Variants in DKC1 observed in about 807,000 individuals in gnomAD.
The protein encoded by DKC1 is H/ACA ribonucleoprotein complex subunit DKC1.
Under a neutral mutation model 46.7 loss-of-function variants are expected in DKC1, and 4 were observed. The ratio of observed to expected loss-of-function variants is 0.09; its 90% CI spans 0.04 to 0.20. The LOEUF is 0.20. Ranked by LOEUF, DKC1 falls within the 10% of genes least tolerant of loss-of-function variation. The probability of loss-of-function intolerance (pLI) is 1.00; values close to 1 mark genes in which losing one functional copy is unlikely to be tolerated. For missense variants in DKC1, 171 were observed against 404.2 expected (o/e 0.42, Z 4.95); for synonymous variants, 141 against 142.4 (o/e 0.99, Z 0.07).
At chrX:154,767,488 A>G (rs1466574486) in intron 7 of DKC1, 106 bp downstream of exon 7, 1 of 950,746 alleles carries the variant, frequency 1.1e-6, no homozygotes, top group South Asian at 2.0e-5. Flanking sequence ...AACCTGCCCT[A>G]CAGCTGGGAT....
Position 154,762,874 on chromosome X carries a change from TAGC to T in DKC1, c.-88_-86del. 9.1e-7 allele frequency: 1 copy of T among 1,095,335 alleles called. No homozygotes were observed. The highest frequency in any genetic ancestry group is 1.2e-6 in the Non-Finnish European group (1 of 807,815). The allele number at this position is 1,095,335 out of a possible 1,213,427, so 90.3% of individuals were successfully genotyped here. ...GGGCAGTGCGCGGGTGGGTGGGTCC[TAGC>T]AGCGCGGCCTGACGGGACCAAGGCG... is the stretch of plus-strand genomic sequence containing the variant. On this transcript the variant is annotated 5_prime_UTR_variant, in exon 1 of 15. Coordinates refer to ENST00000369550, the MANE Select transcript of DKC1 (RefSeq NM_001363.5).
At chrX:154,770,247 T>C (rs1464466734) in intron 9 of DKC1, among the ~76,000 whole-genome samples, 10 of 109,840 alleles carry the variant, frequency 9.1e-5, no homozygotes, top group African/African-American at 3.3e-4. Flanking sequence ...GCCAGGCAAA[T>C]TGCTTGAGCT....
chrX:154,773,575 C>G (rs2071852752), intron 11 of DKC1, among the ~76,000 whole-genome samples: 1 of 109,276 alleles, frequency 9.2e-6, no homozygotes, highest in African/African-American at 3.4e-5. Context: ...CCATTTAACC[C>G]TGAGTGGACA....
At chrX:154,771,197 T>TG (rs2071821588) in intron 10 of DKC1, among the ~76,000 whole-genome samples, 1 of 99,888 alleles carries the variant, frequency 1.0e-5, no homozygotes, top group African/African-American at 3.7e-5. Context: ...GTTTTTTTTT[T>TG]TTTTTTTTTT....
chrX:154,774,236 A>G (rs1281748832), intron 11 of DKC1, among the ~76,000 whole-genome samples: 1 of 111,953 alleles, frequency 8.9e-6, no homozygotes, highest in Non-Finnish European at 1.9e-5. Context: ...ACAGTGGTCA[A>G]GGAGTCTGGT....
chrX:154,776,067 A>G, intron 13 of DKC1, 120 bp from the exon 14 acceptor site: 1 of 942,087 alleles, frequency 1.1e-6, no homozygotes, highest in South Asian at 2.0e-5. Flanking sequence ...TGTAGTCAGA[A>G]AACGTCCTGT....
intron 9 of DKC1, among the ~76,000 whole-genome samples, chrX:154,770,389 G>C (rs1030458549): frequency 7.6e-5 from 8 of 105,402 alleles, no homozygotes; most frequent in African/African-American, 2.8e-4. Flanking sequence ...TTGAACTTGG[G>C]AGATGGAGGT....
intron 11 of DKC1, 129 bp from the exon 12 acceptor site, chrX:154,774,473 G>T: frequency 1.8e-6 from 1 of 560,708 alleles, no homozygotes; most frequent in Non-Finnish European, 3.1e-6. Context: ...AATTCTGAAT[G>T]CTCTGGAGAG....
At chrX:154,773,082 C>A in intron 10 of DKC1, 49 bp from the exon 11 acceptor site, 1 of 900,718 alleles carries the variant, frequency 1.1e-6, no homozygotes, top group Non-Finnish European at 1.6e-6. Flanking sequence ...CATCAATTAT[C>A]AATTCTTTCA....
Position 154,769,217 on chromosome X carries a change from T to C in DKC1, c.822T>C (p.Asp274=), listed in dbSNP as rs1002559487. ...TGCTTGATGCTCAGTGGCTGTATGA[T>C]AACCACAAGGATGAGAGTTACCTGC... ...HDVLDAQWLY[D]NHKDESYLRR... is the part of the protein sequence containing the mutation. Residue 274 remains aspartate (D), a synonymous_variant, in exon 9 of 15, where the codon GAT becomes GAC. Coordinates refer to ENST00000369550, the MANE Select transcript of DKC1 (RefSeq NM_001363.5). 2 of 1,210,948 alleles carry C rather than the reference T, an allele frequency of 1.7e-6. No individual in the cohort carries two copies. Among genetic ancestry groups the C allele is most frequent in the African/African-American group, 3.5e-5 (2 of 57,717 alleles).
chrX:154,764,369 C>T lies in DKC1; in HGVS notation c.17-530C>T, dbSNP rs781826580. Among the ~76,000 whole-genome samples the T allele has an allele frequency of 1.5e-3, 163 of 109,068 alleles. No individual in the cohort carries two copies. The Middle Eastern group carries it at 0.023, about 16-fold the overall frequency. 94.7% of individuals were successfully genotyped at this position (109,068 alleles called of 115,157 possible). A position where few individuals can be genotyped will look rare whatever the true frequency, so the allele number is the denominator to read the frequency against. On this transcript the variant is annotated intron_variant, in intron 1 of 14. Transcript: ENST00000369550. ...CTGAATGTGAAGGCCTCAGACATTA[C>T]ACTACTGGAGACTTTATAATCTGTA...
chrX:154,773,120 A>G lies in DKC1; in HGVS notation c.1037-11A>G. 9.1e-7 allele frequency: 1 copy of G among 1,099,990 alleles called. No homozygotes were observed. The allele number at this position is 1,099,990 out of a possible 1,213,427, so 90.7% of individuals were successfully genotyped here. A position where few individuals can be genotyped will look rare whatever the true frequency, so the allele number is the denominator to read the frequency against. ...CTTCAAATAATTCTTTTCTTTATTC[A>G]ATGCCTGTAGCTATTGCATTAATGA... On this transcript the variant is annotated splice_polypyrimidine_tract_variant and intron_variant, in intron 10 of 14. Coordinates refer to ENST00000369550, the MANE Select transcript of DKC1 (RefSeq NM_001363.5).
In DKC1 at chrX:154,769,194, C is replaced by T; in HGVS notation, c.799C>T (p.Leu267Phe). ...CCACATGGTGACAATGCATGATGTG[C>T]TTGATGCTCAGTGGCTGTATGATAA... ...KDHMVTMHDV[L>F]DAQWLYDNHK... The change falls in exon 9 of 15, where the codon CTT becomes TTT. Residue 267 changes from leucine (L) to phenylalanine (F), a missense_variant. By Grantham distance (22) the Leu-to-Phe change is conservative (BLOSUM62 0). Around this residue, in one of 4 missense-constraint regions of DKC1, gnomAD observed 60 missense variants for 206.5 expected, o/e 0.29. Coordinates refer to ENST00000369550, the MANE Select transcript of DKC1 (RefSeq NM_001363.5). 1 of 1,210,453 alleles carries T rather than the reference C, an allele frequency of 8.3e-7. No individual in the cohort carries two copies. The highest frequency in any genetic ancestry group is 1.1e-6 in the Non-Finnish European group (1 of 894,830).
At chrX:154,767,552 C>G (rs952239750) in intron 7 of DKC1, among the ~76,000 whole-genome samples, 170 bp downstream of exon 7, 1 of 112,257 alleles carries the variant, frequency 8.9e-6, no homozygotes, top group Non-Finnish European at 1.9e-5. Context: ...TGAACAGTGC[C>G]TAGTAAAGTG....
intron 1 of DKC1, among the ~76,000 whole-genome samples, chrX:154,763,221 G>A (rs1328935793): frequency 4.5e-5 from 5 of 112,142 alleles, no homozygotes; most frequent in East Asian, 2.8e-4. Flanking sequence ...CCTCCCTGGG[G>A]TCCGGGTCGC....
chrX:154,768,330 C>T lies in DKC1; in HGVS notation c.669C>T (p.Gly223=), dbSNP rs781937653. ...TCTTTTGGGTGAGTTGTGAGGCTGG[C>T]ACCTACATTCGGACATTATGTGTGC... ...LGIFWVSCEA[G]TYIRTLCVHL... Residue 223 remains glycine (G), a synonymous_variant, in exon 8 of 15, where the codon GGC becomes GGT. Coordinates refer to ENST00000369550, the MANE Select transcript of DKC1 (RefSeq NM_001363.5). 19 of 1,211,292 alleles carry T rather than the reference C, an allele frequency of 1.6e-5. No individual in the cohort carries two copies. The highest frequency in any genetic ancestry group is 2.1e-5 in the Non-Finnish European group (19 of 895,358).
chrX:154,773,021 G>A, intron 10 of DKC1, 110 bp from the exon 11 acceptor site: 1 of 542,365 alleles, frequency 1.8e-6, no homozygotes, highest in African/African-American at 2.3e-5. Context: ...TAAAGTAGTA[G>A]CTCAGAGTTT....
rs967277338 is a variant in DKC1, at chrX:154,768,011, C to T, written c.641-291C>T. On this transcript the variant is annotated intron_variant, in intron 7 of 14. Transcript: ENST00000369550. Reference sequence around the variant, plus strand: ...GACTATAGGCGCCCGCCATCATGCCCGGCTAATTTTTTGTACATTTAGTAG... The same window carrying T: ...GACTATAGGCGCCCGCCATCATGCCTGGCTAATTTTTTGTACATTTAGTAG... The T allele has an allele frequency of 1.4e-4, 39 of 288,360 alleles. 1 individual carries two copies. The highest frequency in any genetic ancestry group is 6.3e-4 in the South Asian group (17 of 26,962). 23.8% of individuals were successfully genotyped at this position (288,360 alleles called of 1,213,427 possible). A position where few individuals can be genotyped will look rare whatever the true frequency, so the allele number is the denominator to read the frequency against.
At position 154,770,115 on chromosome X, in the gene DKC1, TCTC is replaced by T. The variant is rs781858324; in HGVS notation, c.916-640_916-638del. Among the ~76,000 whole-genome samples the T allele has an allele frequency of 2.0e-4, 22 of 111,721 alleles. No homozygotes were observed. The East Asian group carries it at 3.3e-3, about 17-fold the overall frequency. On this transcript the variant is annotated intron_variant, in intron 9 of 14. Coordinates refer to ENST00000369550, the MANE Select transcript of DKC1 (RefSeq NM_001363.5). Reference sequence around the variant, plus strand: ...CTGGATCTCCAGTAAATCTGTTCTTTCTCCTCATAAGGAGGAGAGAGGAGTAAT... The same window carrying T: ...CTGGATCTCCAGTAAATCTGTTCTTTCTCATAAGGAGGAGAGAGGAGTAAT...
Sources: gnomAD v4.1 joint callset for allele counts (sites outside exome capture counted in the v4.1 genomes callset) on GRCh38, gnomAD v4.1.1 for gene constraint, gnomAD v4.1.1 regional missense constraint, MANE v1.5 for transcripts, NCBI Gene and HGNC (gene_info 2026-07-23, HGNC 2026-07-21) for gene names.